Variants in CHCT1 observed in about 807,000 individuals in gnomAD.
CHCT1 encodes CHD1 helical C-terminal domain containing 1, also known as CHD1 helical C-terminal domain containing protein 1.
At chr17:60,426,963 C>G in the CHCT1 span, 1 of 1,437,652 alleles carries the variant, frequency 7.0e-7, no homozygotes, top group Admixed American at 2.2e-5. Context: ...GCTGCTTGAC[C>G]TTTACCCCTG....
At chr17:60,426,284 A>G in the CHCT1 span, 1 of 1,551,948 alleles carries the variant, frequency 6.4e-7, no homozygotes. Flanking sequence ...GGACCACATC[A>G]ACACCTTTCT....
At chr17:60,421,732 C>A in the CHCT1 span, 9 of 798,474 alleles carry the variant, frequency 1.1e-5, no homozygotes, top group Non-Finnish European at 1.4e-5. Flanking sequence ...TCAGACTACA[C>A]CCGGACTCTG....
chr17:60,428,954 G>C, the CHCT1 span, among the ~76,000 whole-genome samples: 1 of 150,340 alleles, frequency 6.7e-6, no homozygotes, highest in East Asian at 1.9e-4. Flanking sequence ...CCAGGCTGGA[G>C]TGCAGTGGCG....
At chr17:60,421,453 G>T in the CHCT1 span, 9 of 985,498 alleles carry the variant, frequency 9.1e-6, no homozygotes, top group African/African-American at 1.2e-4. Flanking sequence ...CGGTCCCACC[G>T]CACTGTCGCG....
At chr17:60,421,967 T>C in the CHCT1 span, 5 of 984,842 alleles carry the variant, frequency 5.1e-6, no homozygotes, top group South Asian at 1.9e-4. Flanking sequence ...CCGTAGGCAC[T>C]GGCGGGGATC....
the CHCT1 span, chr17:60,422,657 T>C: frequency 1.6e-5 from 25 of 1,538,360 alleles, no homozygotes; most frequent in Middle Eastern, 1.7e-4. Context: ...AAGTGGGGTG[T>C]GAGGGAGGGA....
chr17:60,430,761 G>A, the CHCT1 span, among the ~76,000 whole-genome samples: 1 of 152,232 alleles, frequency 6.6e-6, no homozygotes, highest in African/African-American at 2.4e-5. Context: ...GATTACAGGC[G>A]TGAGCCACTG....
the CHCT1 span, among the ~76,000 whole-genome samples, chr17:60,430,970 G>C: frequency 6.6e-6 from 1 of 152,154 alleles, no homozygotes. Flanking sequence ...CTTTACCCTG[G>C]ACCTGGGTGA....
the CHCT1 span, chr17:60,429,374 G>A: frequency 4.2e-5 from 68 of 1,613,166 alleles, no homozygotes; most frequent in South Asian, 1.4e-4. Context: ...GACATTCTGC[G>A]CCTCGGATGC....
the CHCT1 span, among the ~76,000 whole-genome samples, chr17:60,424,613 G>C: frequency 6.6e-6 from 1 of 152,084 alleles, no homozygotes; most frequent in Non-Finnish European, 1.5e-5. Context: ...CCCTGGGTGC[G>C]GTGGCTCATG....
At chr17:60,430,222 C>A in the CHCT1 span, among the ~76,000 whole-genome samples, 1 of 140,750 alleles carries the variant, frequency 7.1e-6, no homozygotes, top group Admixed American at 7.8e-5. Context: ...TTCCCTATTG[C>A]TTCCTTTTGA....
the CHCT1 span, among the ~76,000 whole-genome samples, chr17:60,428,740 A>G: frequency 2.6e-5 from 4 of 151,888 alleles, no homozygotes; most frequent in Admixed American, 2.6e-4. Context: ...GCCCTCCTCG[A>G]CCTTCCAAAG....
the CHCT1 span, among the ~76,000 whole-genome samples, chr17:60,424,787 C>T: frequency 2.0e-5 from 3 of 151,824 alleles, no homozygotes; most frequent in South Asian, 2.1e-4. Context: ...GCAGGAGAAT[C>T]GCTTGAACCC....
At chr17:60,428,628 A>G in the CHCT1 span, among the ~76,000 whole-genome samples, 1 of 151,466 alleles carries the variant, frequency 6.6e-6, no homozygotes, top group Non-Finnish European at 1.5e-5. Context: ...CTGGGATTAC[A>G]GGCATGCACC....
the CHCT1 span, chr17:60,422,782 A>C: frequency 1.1e-6 from 1 of 904,924 alleles, no homozygotes; most frequent in Admixed American, 3.0e-5. Flanking sequence ...AAGCACAAGA[A>C]CTTTCATTCA....
the CHCT1 span, chr17:60,421,569 A>G: frequency 1.0e-6 from 1 of 985,434 alleles, no homozygotes; most frequent in Non-Finnish European, 1.2e-6. Flanking sequence ...CAGGGAAGAA[A>G]AGGTGGCTCG....
At chr17:60,430,432 C>G in the CHCT1 span, among the ~76,000 whole-genome samples, 3 of 151,906 alleles carry the variant, frequency 2.0e-5, no homozygotes, top group Non-Finnish European at 4.4e-5. Context: ...TGAAAATAAC[C>G]TATGTGGTAT....
At chr17:60,423,481 C>G in the CHCT1 span, among the ~76,000 whole-genome samples, 3 of 151,696 alleles carry the variant, frequency 2.0e-5, no homozygotes, top group Non-Finnish European at 4.4e-5. Context: ...GTGTGAGCCA[C>G]TGTGCCCAGT....
chr17:60,422,720 C>T, the CHCT1 span: 5 of 1,419,200 alleles, frequency 3.5e-6, no homozygotes, highest in African/African-American at 7.2e-5. Context: ...ACATGAAATT[C>T]AGGAAAGAAG....
Sources: allele counts gnomAD v4.1 joint callset (sites outside exome capture counted in the v4.1 genomes callset), GRCh38; gene constraint gnomAD v4.1.1; transcripts MANE v1.5; gene names NCBI Gene and HGNC (gene_info 2026-07-23, HGNC 2026-07-21).